RYR1: variants seen among roughly 807,000 people sequenced by gnomAD.
RYR1 encodes the protein central core disease of muscle.
In RYR1, 342 loss-of-function variants were observed where a neutral mutation model predicts 583.5. The ratio of observed to expected loss-of-function variants is 0.59; its 90% CI spans 0.54 to 0.64. RYR1 has a LOEUF of 0.64. RYR1 is among the 30% of genes least tolerant of loss of function. The pLI, the probability that RYR1 is intolerant of heterozygous loss-of-function variation, is 0.00. For synonymous variants in RYR1, 2,791 were observed against 2,822.5 expected (o/e 0.99, Z 0.35); for missense variants, 6,032 against 6,917.2 (o/e 0.87, Z 4.54).
intron 25 of RYR1, among the ~76,000 whole-genome samples, 179 bp from the exon 26 acceptor site, chr19:38,468,787 C>T (rs1231388709): frequency 6.6e-6 from 1 of 152,184 alleles, no homozygotes; most frequent in Admixed American, 6.6e-5. Flanking sequence ...TTCCTGTGAT[C>T]ATGGATGCAA....
At chr19:38,458,412 C>A in intron 18 of RYR1, 120 bp downstream of exon 18, 1 of 987,018 alleles carries the variant, frequency 1.0e-6, no homozygotes. Flanking sequence ...CAACTTTTGA[C>A]CTTTTAGTCC....
intron 75 of RYR1, 32 bp downstream of exon 75, chr19:38,528,727 G>A (rs1971596073): frequency 6.2e-7 from 1 of 1,609,110 alleles, no homozygotes; most frequent in African/African-American, 1.3e-5. Flanking sequence ...GGAGTGGGGG[G>A]CGAGCTGGAT....
chr19:38,571,198 C>G (rs577868092), intron 94 of RYR1, among the ~76,000 whole-genome samples: 3 of 152,278 alleles, frequency 2.0e-5, no homozygotes, highest in African/African-American at 7.2e-5. Flanking sequence ...CTAGAGAGAT[C>G]GAAGCATGGC....
At chr19:38,446,241 C>T (rs972517897) in intron 7 of RYR1, among the ~76,000 whole-genome samples, 1 of 152,148 alleles carries the variant, frequency 6.6e-6, no homozygotes. Flanking sequence ...GCTCTGCAGA[C>T]CCAGACCCCC....
At position 38,528,396 on chromosome 19, in the gene RYR1, A is replaced by T; in HGVS notation, c.10915A>T (p.Thr3639Ser). The change falls in exon 74 of 106, where the codon ACG becomes TCG. Residue 3639 changes from threonine to serine, a missense_variant. Thr to Ser is a moderately conservative substitution (Grantham distance 58). Around this residue, in one of 11 missense-constraint regions of RYR1, gnomAD observed 1,493 missense variants for 1,715.5 expected, o/e 0.87. Coordinates refer to ENST00000359596, the MANE Select transcript of RYR1 (RefSeq NM_000540.3). ...GGCAGTCGTGGCCTGTTTCCGTATG[A>T]CGCCCCTGTACAACCTGCCCACGTA... ...RRAVVACFRM[T>S]PLYNLPTHRA... is the part of the protein sequence containing the mutation. 6.2e-7 allele frequency: 1 copy of T among 1,614,128 alleles called. No homozygotes were observed.
chr19:38,441,173 A>C (rs1208392935), intron 2 of RYR1, among the ~76,000 whole-genome samples: 1 of 126,778 alleles, frequency 7.9e-6, no homozygotes, highest in East Asian at 2.7e-4. Context: ...CTCGGGTTTA[A>C]GGGGAGGTAG....
At chr19:38,457,045 CCAAAAAAAAAA>C (rs1320754803) in intron 16 of RYR1, among the ~76,000 whole-genome samples, 8 of 19,588 alleles carry the variant, frequency 4.1e-4, no homozygotes, top group African/African-American at 1.7e-3. Context: ...GACTCCATCT[CCAAAAAAAAAA>C]AAAAAAAAAA....
At chr19:38,478,356 C>T (rs948643675) in intron 30 of RYR1, 79 bp from the exon 31 acceptor site, 40 of 1,525,974 alleles carry the variant, frequency 2.6e-5, no homozygotes, top group Admixed American at 3.4e-5. Context: ...TGTGTGTTTC[C>T]GGGAGCTTGG....
At chr19:38,569,783 C>T (rs950590384) in intron 93 of RYR1, among the ~76,000 whole-genome samples, 4 of 152,158 alleles carry the variant, frequency 2.6e-5, no homozygotes, top group Non-Finnish European at 4.4e-5. Flanking sequence ...CAGTAGTGCC[C>T]ACTTCACAGG....
Position 38,507,822 on chromosome 19 carries a change from ACCTGGGTACGGAGAAATACCCCCCGCT to A in RYR1, c.8928_8932+22del. 6.2e-7 allele frequency: 1 copy of A among 1,608,276 alleles called. No individual in the cohort carries two copies. The highest frequency in any genetic ancestry group is 8.5e-7 in the Non-Finnish European group (1 of 1,175,840). ...GACATTTCTCAGGAGTTCATTGCCCACCTGGGTACGGAGAAATACCCCCCGCTTATGCCCGCCCCACCTGCAGACACC... is the reference window on the plus strand; with the variant it reads ...GACATTTCTCAGGAGTTCATTGCCCATATGCCCGCCCCACCTGCAGACACC... On this transcript the variant is annotated splice_donor_variant and splice_donor_5th_base_variant and coding_sequence_variant and intron_variant, in exon 58 of 106. Transcript: ENST00000359596. LOFTEE classifies it high-confidence loss of function.
chr19:38,532,123 T>C (rs1971764289), intron 76 of RYR1, among the ~76,000 whole-genome samples: 1 of 86,354 alleles, frequency 1.2e-5, no homozygotes, highest in Admixed American at 1.1e-4. Flanking sequence ...CCAGAAGCTC[T>C]TTTTTTTTTT....
chr19:38,502,770 GGGGCAGGGGCAGGGGCAGGGGC>G, intron 48 of RYR1, 43 bp downstream of exon 48: 1 of 1,033,074 alleles, frequency 9.7e-7, no homozygotes, highest in Non-Finnish European at 1.4e-6. Context: ...GGCAGGGGCA[GGGGCAGGGGCAGGGGCAGGGGC>G]AGGGGCAGGG....
At position 38,490,197 on chromosome 19, in the gene RYR1, TC is replaced by T. The variant is rs193922786; in HGVS notation, c.5938del (p.Leu1980SerfsTer2). The T allele has an allele frequency of 6.2e-7, 1 of 1,614,180 alleles. No homozygotes were observed. Among genetic ancestry groups the T allele is most frequent in the Non-Finnish European group, 8.5e-7 (1 of 1,180,034 alleles). On this transcript the variant is annotated frameshift_variant, in exon 36 of 106. Transcript: ENST00000359596. LOFTEE classifies it high-confidence loss of function. ...LQANQRSRYGLLIKAFSMTAA... is the reference protein window; with the variant it reads ...LQANQRSRYGXLIKAFSMTAA... ...GCCAACCAGCGGAGCCGCTATGGCC[TC>T]CTCATAAAAGCCTTCAGCATGACCG... is the stretch of plus-strand genomic sequence containing the variant.
chr19:38,523,867 G>A lies in RYR1; in HGVS notation c.10441-48G>A, dbSNP rs200576795. On this transcript the variant is annotated intron_variant, in intron 69 of 105. Transcript: ENST00000359596. ...TGGAGTTGGGCCTGGGCTTCTCTGC[G>A]GGGCTGGGGTAACCCTTCTTGTCTC... is the stretch of plus-strand genomic sequence containing the variant. 1.4e-5 allele frequency: 23 copies of A among 1,613,828 alleles called. No homozygotes were observed. Among genetic ancestry groups the A allele is most frequent in the Non-Finnish European group, 1.9e-5 (23 of 1,179,924 alleles).
Position 38,565,830 on chromosome 19 carries a change from A to G in RYR1, c.13437+59A>G. 7.4e-7 allele frequency: 1 copy of G among 1,355,698 alleles called. No individual in the cohort carries two copies. The highest frequency in any genetic ancestry group is 9.4e-7 in the Non-Finnish European group (1 of 1,060,448). 84.0% of individuals were successfully genotyped at this position (1,355,698 alleles called of 1,614,324 possible). A position where few individuals can be genotyped will look rare whatever the true frequency, so the allele number is the denominator to read the frequency against. On this transcript the variant is annotated intron_variant, in intron 91 of 105. Transcript: ENST00000359596. This position sits in a 1 kb window ranked among gnomAD's most constrained non-coding sequence, Gnocchi z 4.7. ...AAGATGGGGGATTGGAGGGAGGAAG[A>G]GAGCCCGGCTGGGTGGAGACACACA...
chr19:38,583,174 A>G (rs1974291200), intron 101 of RYR1, among the ~76,000 whole-genome samples: 1 of 151,850 alleles, frequency 6.6e-6, no homozygotes, highest in Non-Finnish European at 1.5e-5. Flanking sequence ...GTGGGCGCCT[A>G]TAATCCCAGC....
rs797045930 is a variant in RYR1 at position 38,565,456 on chromosome 19, G to A, written c.13122G>A (p.Val4374=). The change falls in exon 91 of 106, where the codon GTG becomes GTA. Residue 4374 remains valine (V), a synonymous_variant. Transcript: ENST00000359596. This position sits in a 1 kb window ranked among gnomAD's most constrained non-coding sequence, Gnocchi z 4.7. ...GGGLVEGAKK[V]TVTELLAGMP... is the part of the protein sequence containing the mutation. ...GCCTGGTGGAGGGCGCCAAGAAGGT[G>A]ACGGTGACCGAGCTCCTGGCAGGCA... 8.0e-6 allele frequency: 12 copies of A among 1,500,844 alleles called. No individual in the cohort carries two copies. The highest frequency in any genetic ancestry group is 1.2e-5 in the South Asian group (1 of 80,584). The allele number at this position is 1,500,844 out of a possible 1,614,324, so 93.0% of individuals were successfully genotyped here. A position where few individuals can be genotyped will look rare whatever the true frequency, so the allele number is the denominator to read the frequency against.
In RYR1 at chr19:38,448,504, T is replaced by C. The variant is rs1405407160; in HGVS notation, c.950T>C (p.Ile317Thr). The change falls in exon 10 of 106, where the codon ATC becomes ACC. Residue 317 changes from isoleucine (I) to threonine (T), a missense_variant. Physicochemically the swap from Ile to Thr is moderately conservative, Grantham distance 89. Coordinates refer to ENST00000359596, the MANE Select transcript of RYR1 (RefSeq NM_000540.3). Reference protein sequence around the residue: ...HTKATSFCFRISKEKLDVAPK... With the variant: ...HTKATSFCFRTSKEKLDVAPK... ...AAGGCTACCTCCTTCTGCTTCCGCA[T>C]CTCCAAGGTCAGTGGGGTTTGTGGC... is the stretch of plus-strand genomic sequence containing the variant. 8 of 1,614,000 alleles carry C rather than the reference T, an allele frequency of 5.0e-6. No homozygotes were observed. Among genetic ancestry groups the C allele is most frequent in the Non-Finnish European group, 6.8e-6 (8 of 1,180,014 alleles).
intron 89 of RYR1, among the ~76,000 whole-genome samples, chr19:38,556,281 G>C (rs1972875700): frequency 6.6e-6 from 1 of 151,872 alleles, no homozygotes; most frequent in African/African-American, 2.4e-5. Flanking sequence ...CCAGGAGTTT[G>C]AGCCAGCCTG....
Sources: allele counts gnomAD v4.1 joint callset (sites outside exome capture counted in the v4.1 genomes callset), GRCh38; gene constraint gnomAD v4.1.1; regional missense constraint gnomAD v4.1.1; non-coding constraint Gnocchi (gnomAD v3.1); transcripts MANE v1.5; gene names NCBI Gene and HGNC (gene_info 2026-07-23, HGNC 2026-07-21).